MCTP2: variants seen among roughly 807,000 people sequenced by gnomAD.
MCTP2 encodes the protein multiple C2 and transmembrane domain-containing protein 2.
MCTP2 carries 132 observed loss-of-function variants against 111.6 expected under a neutral mutation model. The ratio of observed to expected loss-of-function variants is 1.18; its 90% confidence interval spans 1.03 to 1.37. The LOEUF is 1.37. Among genes scored for constraint, MCTP2 ranks in the 40% most tolerant of loss-of-function variants. MCTP2 has a pLI of 0.00. For missense variants in MCTP2, 1,183 were observed against 1,067.9 expected (o/e 1.11, Z -1.50); for synonymous variants, 395 against 387.7 (o/e 1.02, Z -0.22).
At chr15:94,271,137 G>A (rs1273005476) in intron 1 of MCTP2, among the ~76,000 whole-genome samples, 1 of 152,188 alleles carries the variant, frequency 6.6e-6, no homozygotes, top group East Asian at 1.9e-4. Flanking sequence ...AGACGAGAGT[G>A]TGTGTGCATA....
chr15:94,268,371 A>G (rs776429088), intron 1 of MCTP2, among the ~76,000 whole-genome samples: 24 of 142,816 alleles, frequency 1.7e-4, no homozygotes, highest in Non-Finnish European at 1.4e-4. Flanking sequence ...TTGTATTTTT[A>G]GTAGAGACGG....
chr15:94,460,591 A>G (rs2085129506), intron 20 of MCTP2, among the ~76,000 whole-genome samples: 1 of 152,248 alleles, frequency 6.6e-6, no homozygotes, highest in Non-Finnish European at 1.5e-5. Flanking sequence ...ATTCTGGAAC[A>G]TCTCTAAAAG....
rs748577765 is a variant in MCTP2 at position 94,367,684 on chromosome 15, C to G, written c.1381C>G (p.Leu461Val). ...GCCACTGGACAGCTGTCTGGGGGCT[C>G]TCCTTATGTTGGTCACACTTACACC... is the stretch of plus-strand genomic sequence containing the variant. ...ELPLDSCLGA[L>V]LMLVTLTPCA... The change falls in exon 11 of 23, where the codon CTC becomes GTC. Residue 461 changes from leucine to valine, a missense_variant. By Grantham distance (32) the Leu-to-Val change is conservative. Coordinates refer to ENST00000357742, the MANE Select transcript of MCTP2 (RefSeq NM_001385001.1). 1.7e-5 allele frequency: 27 copies of G among 1,612,048 alleles called. No individual in the cohort carries two copies. Among genetic ancestry groups the G allele is most frequent in the African/African-American group, 1.3e-5 (1 of 74,716 alleles).
At chr15:94,429,120 T>C (rs2083034385) in intron 17 of MCTP2, among the ~76,000 whole-genome samples, 2 of 149,740 alleles carry the variant, frequency 1.3e-5, no homozygotes, top group South Asian at 4.4e-4. Flanking sequence ...CTACCCCCTC[T>C]ATATCTATCC....
chr15:94,291,161 T>A (rs1486245970), intron 1 of MCTP2, among the ~76,000 whole-genome samples: 1 of 152,014 alleles, frequency 6.6e-6, no homozygotes, highest in Non-Finnish European at 1.5e-5. Context: ...TAAAAGAAAG[T>A]CATAAAGAGA....
rs574185690 is a variant in MCTP2, at chr15:94,234,772, G to A, written c.-66+3108G>A. ...TCTAATGTCCCAAGTCCTGAGTAAG[G>A]CGAAGTCCTGATTGTCAAGAACTCC... is the stretch of plus-strand genomic sequence containing the variant. On this transcript the variant is annotated intron_variant, in intron 1 of 22. Coordinates refer to ENST00000357742, the MANE Select transcript of MCTP2 (RefSeq NM_001385001.1). Among the ~76,000 whole-genome samples, 18 of 152,280 alleles carry A rather than the reference G, an allele frequency of 1.2e-4. No individual in the cohort carries two copies. In the South Asian group the frequency reaches 3.1e-3, roughly 26 times the overall value.
At chr15:94,363,096 G>A (rs1216828993) in intron 10 of MCTP2, among the ~76,000 whole-genome samples, 1 of 152,182 alleles carries the variant, frequency 6.6e-6, no homozygotes, top group East Asian at 1.9e-4. Context: ...GATTTAGTTA[G>A]TTCAAGAAAA....
At chr15:94,310,061 T>C (rs1368644326) in intron 2 of MCTP2, among the ~76,000 whole-genome samples, 1 of 152,188 alleles carries the variant, frequency 6.6e-6, no homozygotes, top group African/African-American at 2.4e-5. Flanking sequence ...CAAAATTTGT[T>C]TGAAATGTTA....
At chr15:94,379,123 C>T (rs1365986293) in intron 12 of MCTP2, among the ~76,000 whole-genome samples, 1 of 150,934 alleles carries the variant, frequency 6.6e-6, no homozygotes, top group Non-Finnish European at 1.5e-5. Flanking sequence ...TGGAAGGGCA[C>T]AGAGGGACAA....
chr15:94,269,559 C>T (rs553372144), intron 1 of MCTP2, among the ~76,000 whole-genome samples: 8 of 152,264 alleles, frequency 5.3e-5, no homozygotes, highest in East Asian at 3.9e-4. Flanking sequence ...TAAGCTCTCT[C>T]GTGGACAGAG....
intron 15 of MCTP2, 168 bp from the exon 16 acceptor site, chr15:94,399,753 A>T: frequency 1.7e-6 from 1 of 604,502 alleles, no homozygotes; most frequent in South Asian, 2.0e-5. Context: ...ATCAAATGAG[A>T]CCTCCAGAAA....
chr15:94,315,136 C>T lies in MCTP2; in HGVS notation c.529-393C>T, dbSNP rs1222656847. Among the ~76,000 whole-genome samples, 11 of 152,084 alleles carry T rather than the reference C, an allele frequency of 7.2e-5. 1 individual carries two copies. The highest frequency in any genetic ancestry group is 2.1e-4 in the South Asian group (1 of 4,812). On this transcript the variant is annotated intron_variant, in intron 3 of 22. Coordinates refer to ENST00000357742, the MANE Select transcript of MCTP2 (RefSeq NM_001385001.1). ...GGCATCTTACATCTGAACTTGGAAG[C>T]GGGGACACATGTTCTTGGGAGCCAG...
At chr15:94,464,229 T>TTA (rs367893895) in intron 20 of MCTP2, among the ~76,000 whole-genome samples, 2 of 88,296 alleles carry the variant, frequency 2.3e-5, no homozygotes, top group African/African-American at 9.6e-5. Context: ...TATTATATGT[T>TTA]TATATATATA....
At chr15:94,275,843 CA>C (rs1214248504) in intron 1 of MCTP2, among the ~76,000 whole-genome samples, 4 of 136,758 alleles carry the variant, frequency 2.9e-5, no homozygotes, top group Admixed American at 1.5e-4. Flanking sequence ...GTTTTATAAG[CA>C]TTTTTTTTTT....
intron 6 of MCTP2, 98 bp downstream of exon 6, chr15:94,340,373 CAT>C (rs768587031): frequency 7.8e-5 from 66 of 848,366 alleles, no homozygotes; most frequent in Non-Finnish European, 1.2e-4. Flanking sequence ...ACAAAAATAA[CAT>C]ATCTGAACAA....
chr15:94,422,851 C>T (rs527621244), intron 17 of MCTP2, among the ~76,000 whole-genome samples: 5 of 152,232 alleles, frequency 3.3e-5, no homozygotes, highest in Admixed American at 2.6e-4. Context: ...AACTATCAGT[C>T]ATCGTCTTTT....
chr15:94,465,378 G>T (rs534031947), intron 20 of MCTP2, among the ~76,000 whole-genome samples: 1 of 152,044 alleles, frequency 6.6e-6, no homozygotes, highest in African/African-American at 2.4e-5. Context: ...CTATGATAAA[G>T]TTTACTTTAT....
intron 1 of MCTP2, among the ~76,000 whole-genome samples, chr15:94,241,439 C>A (rs750271964): frequency 3.9e-5 from 6 of 152,028 alleles, no homozygotes; most frequent in African/African-American, 7.2e-5. Context: ...CAATTTTGGT[C>A]GTTTCCATGG....
intron 4 of MCTP2, among the ~76,000 whole-genome samples, chr15:94,319,560 C>T (rs995387908): frequency 2.0e-5 from 3 of 152,186 alleles, no homozygotes; most frequent in Non-Finnish European, 4.4e-5. Context: ...ATGCTGCTGG[C>T]CCAGGAACCA....
Sources: gnomAD v4.1 joint callset for allele counts (sites outside exome capture counted in the v4.1 genomes callset) on GRCh38, gnomAD v4.1.1 for gene constraint, MANE v1.5 for transcripts, NCBI Gene and HGNC (gene_info 2026-07-23, HGNC 2026-07-21) for gene names.